CDC42SE2: variants seen among roughly 807,000 people sequenced by gnomAD.
CDC42SE2 encodes the protein CDC42 small effector 2.
CDC42SE2 carries 3 observed loss-of-function variants against 11.5 expected under a neutral mutation model. That is an observed-to-expected ratio of 0.26 (90% CI 0.12 to 0.67). The LOEUF (loss-of-function observed/expected upper bound fraction) is 0.67. CDC42SE2 is among the 30% of genes least tolerant of loss of function. The pLI, the probability that CDC42SE2 is intolerant of heterozygous loss-of-function variation, is 0.80. For missense variants in CDC42SE2, 82 were observed against 106.8 expected (o/e 0.77, Z 1.02); for synonymous variants, 33 against 34.8 (o/e 0.95, Z 0.18).
chr5:131,311,241 T>A (rs1757904033), intron 1 of CDC42SE2, among the ~76,000 whole-genome samples: 1 of 151,048 alleles, frequency 6.6e-6, no homozygotes. Context: ...GGTTGAAAAT[T>A]CTTTTCTTTA....
chr5:131,377,425 T>A (rs1421397370), intron 3 of CDC42SE2, among the ~76,000 whole-genome samples: 1 of 152,192 alleles, frequency 6.6e-6, no homozygotes, highest in Non-Finnish European at 1.5e-5. Flanking sequence ...CGCCTCAGCC[T>A]CCCAAAGTGC....
At chr5:131,339,109 G>A (rs770049644) in intron 2 of CDC42SE2, among the ~76,000 whole-genome samples, 8 of 151,874 alleles carry the variant, frequency 5.3e-5, no homozygotes, top group East Asian at 1.9e-4. Context: ...TTAGCTGGGC[G>A]TAGTGGTGCA....
At chr5:131,348,235 T>G (rs1006198799) in intron 2 of CDC42SE2, among the ~76,000 whole-genome samples, 37 of 152,156 alleles carry the variant, frequency 2.4e-4, no homozygotes, top group Non-Finnish European at 3.8e-4. Flanking sequence ...TGATTGTATA[T>G]CTAGAAAACC....
chr5:131,321,621 A>G (rs1758189342), intron 2 of CDC42SE2, among the ~76,000 whole-genome samples: 1 of 152,170 alleles, frequency 6.6e-6, no homozygotes, highest in South Asian at 2.1e-4. Context: ...TTCATAAAGT[A>G]TCTGTGAAAG....
At chr5:131,311,531 A>G (rs1426949538) in intron 1 of CDC42SE2, among the ~76,000 whole-genome samples, 1 of 151,938 alleles carries the variant, frequency 6.6e-6, no homozygotes, top group African/African-American at 2.4e-5. Context: ...AATATCCTGC[A>G]GAGTGTTTTC....
At chr5:131,257,296 C>T (rs2149685077) in intron 2 of CDC42SE2, among the ~76,000 whole-genome samples, 1 of 152,002 alleles carries the variant, frequency 6.6e-6, no homozygotes, top group East Asian at 1.9e-4. Context: ...GTGTTTTCAC[C>T]ATGTTGGCCA....
At chr5:131,337,833 G>C (rs1322702555) in intron 2 of CDC42SE2, among the ~76,000 whole-genome samples, 1 of 152,226 alleles carries the variant, frequency 6.6e-6, no homozygotes, top group Non-Finnish European at 1.5e-5. Flanking sequence ...CAGCATTAGG[G>C]TGGGAGTTAC....
At chr5:131,349,902 T>G (rs1057169123) in intron 2 of CDC42SE2, among the ~76,000 whole-genome samples, 1 of 152,194 alleles carries the variant, frequency 6.6e-6, no homozygotes, top group Non-Finnish European at 1.5e-5. Context: ...ATTTTCTTAA[T>G]CTTTTTGCTT....
At chr5:131,310,465 G>C (rs1272804888) in intron 1 of CDC42SE2, among the ~76,000 whole-genome samples, 1 of 152,034 alleles carries the variant, frequency 6.6e-6, no homozygotes, top group African/African-American at 2.4e-5. Context: ...TATTAGGTCT[G>C]CTTGGTGCAG....
chr5:131,320,983 CTT>C, intron 2 of CDC42SE2, among the ~76,000 whole-genome samples: 1 of 152,150 alleles, frequency 6.6e-6, no homozygotes, highest in East Asian at 1.9e-4. Context: ...TCTTTATATT[CTT>C]GGAGTTAGGG....
At chr5:131,216,177 T>TA in the CDC42SE2 span, among the ~76,000 whole-genome samples, 174 of 152,216 alleles carry the variant, frequency 1.1e-3, no homozygotes, top group African/African-American at 4.1e-3. Flanking sequence ...TCCCTTAAAA[T>TA]AAAAGTCATA....
intron 1 of CDC42SE2, among the ~76,000 whole-genome samples, chr5:131,296,353 G>A (rs950276701): frequency 2.0e-5 from 3 of 152,102 alleles, no homozygotes; most frequent in African/African-American, 7.2e-5. Flanking sequence ...GCCACAACAA[G>A]GTATCACAAA....
intron 2 of CDC42SE2, among the ~76,000 whole-genome samples, chr5:131,337,051 T>G (rs1300197710): frequency 2.0e-5 from 3 of 152,198 alleles, no homozygotes; most frequent in African/African-American, 7.2e-5. Flanking sequence ...GGTCTGATTT[T>G]TAGCGTTTCC....
At chr5:131,307,507 A>C (rs993913505) in intron 1 of CDC42SE2, among the ~76,000 whole-genome samples, 2 of 152,058 alleles carry the variant, frequency 1.3e-5, no homozygotes, top group Non-Finnish European at 2.9e-5. Context: ...TGCTATTGTG[A>C]ATAATGCCGC....
At chr5:131,276,304 A>G (rs1757100926) in intron 1 of CDC42SE2, among the ~76,000 whole-genome samples, 1 of 151,298 alleles carries the variant, frequency 6.6e-6, no homozygotes, top group South Asian at 2.1e-4. Context: ...AAAATAGAAA[A>G]ATTAGCCAGG....
chr5:131,385,027 A>C (rs574937146), intron 3 of CDC42SE2, among the ~76,000 whole-genome samples: 1 of 152,124 alleles, frequency 6.6e-6, no homozygotes, highest in East Asian at 1.9e-4. Flanking sequence ...ACTAGGACCA[A>C]ATCTGTCACC....
At chr5:131,264,567 G>C (rs961846134) in intron 1 of CDC42SE2, among the ~76,000 whole-genome samples, 5 of 152,132 alleles carry the variant, frequency 3.3e-5, no homozygotes, top group African/African-American at 1.2e-4. Flanking sequence ...AGGGCCCGGG[G>C]TCTCTAGGTG....
chr5:131,389,593 C>A (rs1033624564), intron 4 of CDC42SE2, among the ~76,000 whole-genome samples: 10 of 152,140 alleles, frequency 6.6e-5, no homozygotes, highest in African/African-American at 2.4e-4. Flanking sequence ...TATATTGAAA[C>A]CTGACTTACT....
intron 1 of CDC42SE2, among the ~76,000 whole-genome samples, chr5:131,274,675 AC>A (rs1008994906): frequency 4.6e-5 from 7 of 152,052 alleles, no homozygotes; most frequent in African/African-American, 9.7e-5. Flanking sequence ...AGAAGTCTTG[AC>A]CCTTCATCGT....
Sources: allele counts gnomAD v4.1 joint callset (sites outside exome capture counted in the v4.1 genomes callset), GRCh38; gene constraint gnomAD v4.1.1; transcripts MANE v1.5; gene names NCBI Gene and HGNC (gene_info 2026-07-23, HGNC 2026-07-21).